The following PDXDC1 variants were observed in gnomAD, a reference collection of about 807,000 sequenced individuals.
PDXDC1 encodes the protein pyridoxal-dependent decarboxylase domain-containing protein 1.
PDXDC1 carries 42 observed loss-of-function variants against 100.1 expected under a neutral mutation model. The observed-to-expected ratio is 0.42, with a 90% CI of 0.33 to 0.54. The LOEUF (loss-of-function observed/expected upper bound fraction) is 0.54, where lower values mean the gene tolerates loss of function less well. Among genes scored for constraint, PDXDC1 ranks in the 20% least tolerant of loss-of-function variants. PDXDC1 has a pLI of 0.10. For missense variants in PDXDC1, 636 were observed against 979.2 expected, an observed-to-expected ratio of 0.65 and a Z score of 4.68; for synonymous variants, 260 against 371.7, an observed-to-expected ratio of 0.70 and a Z score of 3.46.
chr16:15,137,423 G>C (rs2048383133), intron 16 of PDXDC1: 1 of 1,427,626 alleles, frequency 7.0e-7, no homozygotes, highest in Admixed American at 2.0e-5. Context: ...CTGGCCGGTG[G>C]AGAAGCAGAA....
At chr16:15,027,263 G>T (rs1337803939) in intron 14 of PDXDC1, among the ~76,000 whole-genome samples, 1 of 152,296 alleles carries the variant, frequency 6.6e-6, no homozygotes, top group African/African-American at 2.4e-5. Context: ...GGTGTGGCTC[G>T]CTTCTTCAGT....
downstream of PDXDC1, among the ~76,000 whole-genome samples, chr16:15,140,502 GAAAGAGAAAACTCCA>G (rs2048454364): frequency 6.8e-6 from 1 of 147,976 alleles, no homozygotes; most frequent in African/African-American, 2.5e-5. Context: ...AGGGAGGAAA[GAAAGAGAAAACTCCA>G]AAAACAAAAA....
At chr16:15,082,891 C>T (rs2045763767) in intron 16 of PDXDC1, among the ~76,000 whole-genome samples, 1 of 152,182 alleles carries the variant, frequency 6.6e-6, no homozygotes, top group Admixed American at 6.5e-5. Flanking sequence ...GGCATGTTCA[C>T]AATTAGTAAT....
intron 1 of PDXDC1, among the ~76,000 whole-genome samples, chr16:14,984,495 A>ATTTATT (rs1968854506): frequency 1.4e-5 from 1 of 73,498 alleles, no homozygotes; most frequent in Non-Finnish European, 2.4e-5. Flanking sequence ...ATATATATAT[A>ATTTATT]TTTTTTTTTT....
At chr16:15,041,497 G>C (rs144155159), downstream of PDXDC1, 7,501 of 767,852 alleles carry the variant, frequency 9.8e-3, 59 homozygotes, top group Non-Finnish European at 0.014. Flanking sequence ...ACCACAGGAA[G>C]AGCCGGAACA....
chr16:14,989,259 T>A, intron 1 of PDXDC1: 1 of 1,614,044 alleles, frequency 6.2e-7, no homozygotes. Context: ...TGCTTTGCTT[T>A]TGGGCACCTG....
rs151006368 is a variant in PDXDC1 at position 15,091,329 on chromosome 16, C to T, written c.1400-47550C>T. The T allele has an allele frequency of 0.02, 32,472 of 1,595,170 alleles. 412 individuals are homozygous for T. The highest frequency in any genetic ancestry group is 0.047 in the Middle Eastern group (207 of 4,404). ...AAATTAATTACCTTTATGTCTGGAT[C>T]TAACAGCTGGTTCTTCAACAACTCA... On this transcript the variant is annotated intron_variant, in intron 16 of 16. Coordinates refer to the PDXDC1 transcript ENST00000535621.
chr16:15,111,096 C>A (rs546858305), intron 16 of PDXDC1, among the ~76,000 whole-genome samples: 24 of 145,858 alleles, frequency 1.6e-4, no homozygotes, highest in African/African-American at 4.7e-4. Context: ...CCACTGCACT[C>A]CAGCCTGAGC....
At chr16:15,027,604 A>C (rs1273745092) in intron 14 of PDXDC1, among the ~76,000 whole-genome samples, 3 of 152,286 alleles carry the variant, frequency 2.0e-5, no homozygotes, top group African/African-American at 7.2e-5. Context: ...GCCAGAAGGG[A>C]GACAGATTTC....
chr16:15,029,018 C>T, intron 15 of PDXDC1, 52 bp downstream of exon 15: 3 of 1,579,148 alleles, frequency 1.9e-6, no homozygotes, highest in Non-Finnish European at 1.7e-6. Context: ...CCATCACCAT[C>T]CGACCTGCTG....
intron 16 of PDXDC1, among the ~76,000 whole-genome samples, chr16:15,090,083 G>A (rs1481874849): frequency 6.6e-6 from 1 of 151,906 alleles, no homozygotes; most frequent in East Asian, 1.9e-4. Flanking sequence ...GGTGGCGGGT[G>A]CCTGTAATCT....
At chr16:15,040,986 G>GT, downstream of PDXDC1, 1 of 932,982 alleles carries the variant, frequency 1.1e-6, no homozygotes. Context: ...CCTGACAGCA[G>GT]TGGGGTCATT....
At chr16:15,085,163 T>C (rs1163779612) in intron 16 of PDXDC1, among the ~76,000 whole-genome samples, 1 of 152,210 alleles carries the variant, frequency 6.6e-6, no homozygotes, top group African/African-American at 2.4e-5. Context: ...TCAAGATTTT[T>C]CTCCACCAGC....
chr16:15,035,935 C>A, intron 22 of PDXDC1, 81 bp from the exon 23 acceptor site: 4 of 1,387,380 alleles, frequency 2.9e-6, no homozygotes, highest in Non-Finnish European at 4.0e-6. Flanking sequence ...TGAAATAAAG[C>A]AATTATCTGT....
At chr16:15,038,385 A>ACATTTCCAT, downstream of PDXDC1, 1 of 619,018 alleles carries the variant, frequency 1.6e-6, no homozygotes, top group African/African-American at 2.0e-5. Context: ...TTACCCACAC[A>ACATTTCCAT]CATTTCCATC....
At position 15,112,169 on chromosome 16, in the gene PDXDC1, C is replaced by A. The variant is rs1244923109; in HGVS notation, c.1400-26710C>A. On this transcript the variant is annotated intron_variant, in intron 16 of 16. Transcript: ENST00000535621. ...TTCTCATCATAGCTAAAATGCAAAG[C>A]AAATCCCATCTCAGATGTGGGTCAG... is the stretch of plus-strand genomic sequence containing the variant. 4.7e-5 allele frequency among the ~76,000 whole-genome samples: 7 copies of A among 148,748 alleles called. No individual in the cohort carries two copies. The East Asian group carries it at 7.7e-4, about 16-fold the overall frequency.
intron 1 of PDXDC1, among the ~76,000 whole-genome samples, chr16:14,984,495 A>ATATTTTTTTT (rs1555542734): frequency 4.1e-5 from 3 of 73,488 alleles, no homozygotes; most frequent in Non-Finnish European, 4.8e-5. Flanking sequence ...ATATATATAT[A>ATATTTTTTTT]TTTTTTTTTT....
At position 15,091,950 on chromosome 16, in the gene PDXDC1, G is replaced by A. The variant is rs11859547; in HGVS notation, c.1400-46929G>A. 9.6e-3 allele frequency among the ~76,000 whole-genome samples: 1,460 copies of A among 152,244 alleles called. 27 individuals are homozygous for A. Among genetic ancestry groups the A allele is most frequent in the African/African-American group, 0.032 (1,313 of 41,534 alleles). On this transcript the variant is annotated intron_variant, in intron 16 of 16. Coordinates refer to the PDXDC1 transcript ENST00000535621. ...TCCCAGCACTTTGGGAGGCCAAGGCGGGTGGATCACAAGGTCAGGAGTTCG... is the reference window on the plus strand; with the variant it reads ...TCCCAGCACTTTGGGAGGCCAAGGCAGGTGGATCACAAGGTCAGGAGTTCG...
At chr16:15,136,445 C>G in intron 16 of PDXDC1, 1 of 604,424 alleles carries the variant, frequency 1.7e-6, no homozygotes, top group Non-Finnish European at 2.9e-6. Flanking sequence ...CCGGCGCCAC[C>G]TGCTCACCAG....
Sources: gnomAD v4.1 joint callset for allele counts (sites outside exome capture counted in the v4.1 genomes callset) on GRCh38, gnomAD v4.1.1 for gene constraint, MANE v1.5 for transcripts, NCBI Gene and HGNC (gene_info 2026-07-23, HGNC 2026-07-21) for gene names.